Variants in MROH1 observed in about 807,000 individuals in gnomAD.
MROH1 encodes maestro heat like repeat family member 1.
In MROH1, 117 loss-of-function variants were observed where a neutral mutation model predicts 116.5. The ratio of observed to expected loss-of-function variants is 1.00; its 90% CI spans 0.86 to 1.17. The LOEUF is 1.17. Among genes scored for constraint, MROH1 ranks in the 50% most tolerant of loss-of-function variants. The pLI is 0.00. For synonymous variants in MROH1, 921 were observed against 583.9 expected (o/e 1.58, Z -8.32); for missense variants, 1,873 against 1,338.5 (o/e 1.40, Z -6.23).
chr8:144,149,764 T>G (rs1816286204), intron 1 of MROH1, among the ~76,000 whole-genome samples: 1 of 151,926 alleles, frequency 6.6e-6, no homozygotes, highest in African/African-American at 2.4e-5. Flanking sequence ...TCATGAGAAA[T>G]GTGCTTTCTT....
intron 4 of MROH1, among the ~76,000 whole-genome samples, chr8:144,176,838 AAAAAAG>A (rs1430031239): frequency 1.3e-5 from 2 of 152,048 alleles, no homozygotes; most frequent in Non-Finnish European, 1.5e-5. Flanking sequence ...AAAAAAAAAA[AAAAAAG>A]AAATGATTCT....
intron 11 of MROH1, 53 bp downstream of exon 11, chr8:144,199,253 C>A: frequency 6.4e-7 from 1 of 1,565,094 alleles, no homozygotes; most frequent in Non-Finnish European, 8.7e-7. Flanking sequence ...CTCACAGGGT[C>A]ACTGCCTGCT....
At chr8:144,171,960 T>G (rs1173468214) in intron 4 of MROH1, among the ~76,000 whole-genome samples, 1 of 152,210 alleles carries the variant, frequency 6.6e-6, no homozygotes, top group Non-Finnish European at 1.5e-5. Flanking sequence ...TGCTCCCTTT[T>G]GGAGTTTGGA....
chr8:144,239,220 C>G, intron 16 of MROH1, 41 bp downstream of exon 16: 1 of 748,918 alleles, frequency 1.3e-6, no homozygotes, highest in East Asian at 2.5e-5. Flanking sequence ...CTCCTGCCCC[C>G]ACTTCCCCAC....
intron 14 of MROH1, among the ~76,000 whole-genome samples, chr8:144,236,896 CTTTTTTTTT>C (rs1164804321): frequency 1.4e-5 from 1 of 69,320 alleles, no homozygotes; most frequent in Admixed American, 1.7e-4. Flanking sequence ...TCTCCTATTC[CTTTTTTTTT>C]TTTTTTTTTT....
At position 144,199,212 on chromosome 8, in the gene MROH1, G is replaced by C; in HGVS notation, c.1027+12G>C. 6.2e-7 allele frequency: 1 copy of C among 1,609,112 alleles called. No homozygotes were observed. The highest frequency in any genetic ancestry group is 1.7e-4 in the Middle Eastern group (1 of 6,056). ...CTTCACTGTGCTGGGTGAGTGGTGGGCCCAGCTTTGCCCATGGGCATCTGT... is the reference window on the plus strand; with the variant it reads ...CTTCACTGTGCTGGGTGAGTGGTGGCCCCAGCTTTGCCCATGGGCATCTGT... On this transcript the variant is annotated intron_variant, in intron 11 of 43. Transcript: ENST00000326134.
chr8:144,255,505 C>T lies in MROH1; in HGVS notation c.3595-4C>T. ...GCATGGCCCTGTGATGACTTCTCCC[C>T]CAGGCTACCTGTGCACTGTTTGAGG... On this transcript the variant is annotated splice_polypyrimidine_tract_variant and splice_region_variant and intron_variant, in intron 34 of 43. Coordinates refer to ENST00000326134, the MANE Select transcript of MROH1 (RefSeq NM_032450.3). 1 of 778,622 alleles carries T rather than the reference C, an allele frequency of 1.3e-6. No individual in the cohort carries two copies. Among genetic ancestry groups the T allele is most frequent in the Non-Finnish European group, 2.4e-6 (1 of 417,778 alleles). 48.2% of individuals were successfully genotyped at this position (778,622 alleles called of 1,614,324 possible).
chr8:144,258,702 C>G (rs1253805082), intron 35 of MROH1, 75 bp from the exon 36 acceptor site: 2 of 706,922 alleles, frequency 2.8e-6, no homozygotes, highest in South Asian at 1.5e-5. Flanking sequence ...GCATTGGGTG[C>G]AGACCTGAGG....
intron 4 of MROH1, among the ~76,000 whole-genome samples, chr8:144,178,978 C>T (rs1011257325): frequency 2.0e-5 from 3 of 151,708 alleles, no homozygotes; most frequent in African/African-American, 7.3e-5. Flanking sequence ...GGCTTGGGGG[C>T]GTGGCAGAAG....
intron 1 of MROH1, among the ~76,000 whole-genome samples, chr8:144,150,211 G>A (rs1274138855): frequency 1.3e-5 from 2 of 152,210 alleles, no homozygotes; most frequent in Non-Finnish European, 2.9e-5. Context: ...CTGGGCCTGG[G>A]ATGGTGACTG....
At chr8:144,176,484 A>G (rs1270091463) in intron 4 of MROH1, among the ~76,000 whole-genome samples, 2 of 148,848 alleles carry the variant, frequency 1.3e-5, no homozygotes, top group African/African-American at 4.9e-5. Flanking sequence ...GCAGTGAGTT[A>G]TGATTGCACA....
At chr8:144,201,418 G>A (rs1321598737) in intron 12 of MROH1, among the ~76,000 whole-genome samples, 2 of 152,206 alleles carry the variant, frequency 1.3e-5, no homozygotes, top group Non-Finnish European at 2.9e-5. Context: ...TCACAAGTGA[G>A]CTTGTGGTTT....
At chr8:144,150,333 C>T (rs1816408514) in intron 1 of MROH1, among the ~76,000 whole-genome samples, 1 of 152,218 alleles carries the variant, frequency 6.6e-6, no homozygotes, top group Non-Finnish European at 1.5e-5. Context: ...TGCCTGCCAC[C>T]TTCTCCCATT....
chr8:144,194,937 G>A (rs915821463), intron 10 of MROH1, among the ~76,000 whole-genome samples: 4 of 151,206 alleles, frequency 2.6e-5, no homozygotes, highest in Non-Finnish European at 5.9e-5. Context: ...CTGCAAATTT[G>A]CCAGTTACAA....
chr8:144,168,538 CG>C, intron 4 of MROH1, 98 bp downstream of exon 4: 2 of 1,436,914 alleles, frequency 1.4e-6, no homozygotes, highest in Non-Finnish European at 1.9e-6. Context: ...AGCAGTGGGT[CG>C]GGTGTTACGC....
Position 144,255,494 on chromosome 8 carries a change from T to C in MROH1, c.3595-15T>C. The C allele has an allele frequency of 1.3e-6, 1 of 778,152 alleles. No homozygotes were observed. The highest frequency in any genetic ancestry group is 2.4e-6 in the Non-Finnish European group (1 of 417,716). 48.2% of individuals were successfully genotyped at this position (778,152 alleles called of 1,614,324 possible). The stretch of plus-strand genomic sequence containing the variant: ...CCTGGAGGGAGGCATGGCCCTGTGA[T>C]GACTTCTCCCCCAGGCTACCTGTGC... On this transcript the variant is annotated splice_polypyrimidine_tract_variant and intron_variant, in intron 34 of 43. Transcript: ENST00000326134.
chr8:144,165,606 G>A (rs528887968), intron 3 of MROH1, among the ~76,000 whole-genome samples: 42 of 150,058 alleles, frequency 2.8e-4, no homozygotes, highest in African/African-American at 1.0e-3. Flanking sequence ...ACTGGGTCTT[G>A]TTGTGTCGCT....
At chr8:144,256,883 G>C (rs964473022) in intron 35 of MROH1, among the ~76,000 whole-genome samples, 3 of 152,224 alleles carry the variant, frequency 2.0e-5, no homozygotes, top group African/African-American at 7.2e-5. Flanking sequence ...AGCCTGGAGC[G>C]CAGCCCCTGG....
At chr8:144,178,275 G>A (rs897087148) in intron 4 of MROH1, among the ~76,000 whole-genome samples, 1 of 152,152 alleles carries the variant, frequency 6.6e-6, no homozygotes. Context: ...GGGACTACAG[G>A]TGTGCGCCAC....
Sources: gnomAD v4.1 joint callset for allele counts (sites outside exome capture counted in the v4.1 genomes callset) on GRCh38, gnomAD v4.1.1 for gene constraint, MANE v1.5 for transcripts, NCBI Gene and HGNC (gene_info 2026-07-23, HGNC 2026-07-21) for gene names.